Variants in ACTL8 observed in about 807,000 individuals in gnomAD.
ACTL8 encodes actin-like protein 8.
A neutral mutation model predicts 9.3 loss-of-function variants in ACTL8; 3 were observed. The observed-to-expected ratio is 0.32, with a 90% CI of 0.15 to 0.83. The LOEUF (loss-of-function observed/expected upper bound fraction) is 0.83. ACTL8 is among the 40% of genes least tolerant of loss of function. The pLI, the probability that ACTL8 is intolerant of heterozygous loss-of-function variation, is 0.57. For synonymous variants in ACTL8, 224 were observed against 205.9 expected (o/e 1.09, Z -0.75); for missense variants, 381 against 492.2 (o/e 0.77, Z 2.14).
chr1:17,819,547 G>C (rs2053633212), intron 1 of ACTL8, among the ~76,000 whole-genome samples: 2 of 152,210 alleles, frequency 1.3e-5, no homozygotes, highest in African/African-American at 4.8e-5. Flanking sequence ...GCAGATAGCT[G>C]GGGGAGCGAC....
chr1:17,817,984 G>C (rs1323154639), intron 1 of ACTL8, among the ~76,000 whole-genome samples: 2 of 152,136 alleles, frequency 1.3e-5, no homozygotes, highest in Non-Finnish European at 2.9e-5. Flanking sequence ...TTACAGGTGT[G>C]AGCCACCGTG....
chr1:17,766,391 G>A (rs1302804892), intron 1 of ACTL8, among the ~76,000 whole-genome samples: 1 of 152,128 alleles, frequency 6.6e-6, no homozygotes, highest in African/African-American at 2.4e-5. Context: ...GAGTGGCAGA[G>A]CCTGGCTCAA....
chr1:17,761,150 T>C (rs1242053244), intron 1 of ACTL8, among the ~76,000 whole-genome samples: 6 of 150,564 alleles, frequency 4.0e-5, no homozygotes, highest in African/African-American at 1.2e-4. Context: ...TTTTTTTTTT[T>C]TTTTTGGTAG....
At chr1:17,801,361 TAAC>T (rs969690126) in intron 1 of ACTL8, among the ~76,000 whole-genome samples, 1 of 152,178 alleles carries the variant, frequency 6.6e-6, no homozygotes, top group African/African-American at 2.4e-5. Flanking sequence ...TAAAACAAGA[TAAC>T]AAACTGTTAA....
intron 1 of ACTL8, among the ~76,000 whole-genome samples, chr1:17,785,845 G>C (rs1479536969): frequency 1.3e-5 from 2 of 152,266 alleles, no homozygotes; most frequent in African/African-American, 4.8e-5. Flanking sequence ...ATTTCCTTGG[G>C]TCGGGAGCCC....
At chr1:17,824,608 GTC>G (rs1159618702) in intron 2 of ACTL8, among the ~76,000 whole-genome samples, 49 of 152,250 alleles carry the variant, frequency 3.2e-4, no homozygotes, top group African/African-American at 1.1e-3. Context: ...TACAAATAAT[GTC>G]TTAGTATTTA....
At chr1:17,796,050 C>G (rs1171006258) in intron 1 of ACTL8, among the ~76,000 whole-genome samples, 1 of 152,174 alleles carries the variant, frequency 6.6e-6, no homozygotes, top group African/African-American at 2.4e-5. Context: ...GTGGCTCGCT[C>G]TGCTCAGTGG....
rs762842483 is a variant in ACTL8 at position 17,823,008 on chromosome 1, C to T, written c.-1C>T. The T allele has an allele frequency of 1.5e-4, 240 of 1,612,438 alleles. No homozygotes were observed. Among genetic ancestry groups the T allele is most frequent in the Admixed American group, 1.7e-5 (1 of 59,954 alleles). On this transcript the variant is annotated 5_prime_UTR_variant, in exon 2 of 3. Coordinates refer to ENST00000375406, the MANE Select transcript of ACTL8 (RefSeq NM_030812.3). The surrounding 1 kb of genome is among the most constrained non-coding windows in gnomAD (Gnocchi z 5.3). ...AGGTCCCACCCACCTCTGCCTCCGC[C>T]ATGGCTGCAAGAACCGTTATCATTG...
chr1:17,810,454 G>A (rs1193958491), intron 1 of ACTL8, among the ~76,000 whole-genome samples: 2 of 152,012 alleles, frequency 1.3e-5, no homozygotes, highest in East Asian at 3.9e-4. Context: ...ATCAAACACA[G>A]GAAATTTAAC....
chr1:17,824,934 C>T (rs992894682), intron 2 of ACTL8, among the ~76,000 whole-genome samples: 3 of 152,054 alleles, frequency 2.0e-5, no homozygotes, highest in Non-Finnish European at 4.4e-5. Context: ...AGGGAGCCCC[C>T]TCCCACTGAG....
intron 1 of ACTL8, among the ~76,000 whole-genome samples, chr1:17,808,527 C>G (rs2066373743): frequency 6.6e-6 from 1 of 152,234 alleles, no homozygotes; most frequent in Non-Finnish European, 1.5e-5. Context: ...GGGGACAACT[C>G]TGTCACTTCT....
chr1:17,756,097 C>G (rs543585408), intron 1 of ACTL8, among the ~76,000 whole-genome samples: 7 of 150,806 alleles, frequency 4.6e-5, no homozygotes, highest in African/African-American at 1.7e-4. Flanking sequence ...TTTCAGCCTT[C>G]GGAGGGGACT....
At chr1:17,821,173 T>A (rs1002093395) in intron 1 of ACTL8, among the ~76,000 whole-genome samples, 2 of 152,306 alleles carry the variant, frequency 1.3e-5, no homozygotes, top group African/African-American at 4.8e-5. Flanking sequence ...TTTTGAGAGT[T>A]CTGTATTAAA....
chr1:17,783,805 A>G (rs573757191), intron 1 of ACTL8, among the ~76,000 whole-genome samples: 1 of 152,362 alleles, frequency 6.6e-6, no homozygotes, highest in South Asian at 2.1e-4. Flanking sequence ...CAAATGAGAA[A>G]TAGCTCTTGC....
chr1:17,804,251 C>T (rs926957667), intron 1 of ACTL8, among the ~76,000 whole-genome samples: 9 of 152,162 alleles, frequency 5.9e-5, no homozygotes, highest in Admixed American at 5.9e-4. Flanking sequence ...CTGACACCCA[C>T]CAGCTGAACA....
At chr1:17,821,789 C>T (rs1371639069) in intron 1 of ACTL8, among the ~76,000 whole-genome samples, 1 of 152,142 alleles carries the variant, frequency 6.6e-6, no homozygotes, top group Non-Finnish European at 1.5e-5. Flanking sequence ...ACCACACCAG[C>T]TAATTTTTGT....
At chr1:17,757,039 C>T (rs1048915246) in intron 1 of ACTL8, among the ~76,000 whole-genome samples, 9 of 152,138 alleles carry the variant, frequency 5.9e-5, no homozygotes, top group South Asian at 2.1e-4. Flanking sequence ...CTGAGGCAGG[C>T]GGATTGCTTG....
At chr1:17,756,476 G>A (rs906903734) in intron 1 of ACTL8, among the ~76,000 whole-genome samples, 8 of 152,148 alleles carry the variant, frequency 5.3e-5, no homozygotes, top group Non-Finnish European at 7.3e-5. Flanking sequence ...TGCTCCTTGC[G>A]TCTGCTGTTT....
At chr1:17,816,216 T>TG (rs2066425363) in intron 1 of ACTL8, among the ~76,000 whole-genome samples, 1 of 148,492 alleles carries the variant, frequency 6.7e-6, no homozygotes. Context: ...TTTTTTTTTT[T>TG]GAGACCAGGT....
Sources: gnomAD v4.1 joint callset for allele counts (sites outside exome capture counted in the v4.1 genomes callset) on GRCh38, gnomAD v4.1.1 for gene constraint, Gnocchi (gnomAD v3.1) non-coding constraint, MANE v1.5 for transcripts, NCBI Gene and HGNC (gene_info 2026-07-23, HGNC 2026-07-21) for gene names.